Variants in DOK5 observed in about 807,000 individuals in gnomAD.
The protein encoded by DOK5 is docking protein 5.
Under a neutral mutation model 43.3 loss-of-function variants are expected in DOK5, and 27 were observed. The ratio of observed to expected loss-of-function variants is 0.62; its 90% CI spans 0.46 to 0.86. The LOEUF (loss-of-function observed/expected upper bound fraction) is 0.86, where lower values mean the gene tolerates loss of function less well. Ranked by LOEUF, DOK5 falls within the 40% of genes least tolerant of loss-of-function variation. The pLI is 0.00. For synonymous variants in DOK5, 146 were observed against 140.1 expected, an observed-to-expected ratio of 1.04 and a Z score of -0.30; for missense variants, 373 against 392.9, an observed-to-expected ratio of 0.95 and a Z score of 0.43.
chr20:54,482,562 C>T (rs182453174), intron 1 of DOK5, among the ~76,000 whole-genome samples: 13 of 151,110 alleles, frequency 8.6e-5, no homozygotes, highest in African/African-American at 3.2e-4. Flanking sequence ...CTGGTGTGAT[C>T]TCGGCTCACT....
intron 1 of DOK5, among the ~76,000 whole-genome samples, chr20:54,507,296 G>A (rs547934811): frequency 6.6e-6 from 1 of 152,166 alleles, no homozygotes; most frequent in East Asian, 1.9e-4. Flanking sequence ...CTGTCCAATG[G>A]AGACATAATT....
At chr20:54,538,524 A>G (rs1230331394) in intron 1 of DOK5, among the ~76,000 whole-genome samples, 1 of 152,238 alleles carries the variant, frequency 6.6e-6, no homozygotes, top group Non-Finnish European at 1.5e-5. Flanking sequence ...GGACATCAGG[A>G]GGAAAGAAGG....
At chr20:54,574,753 T>C (rs907720532) in intron 2 of DOK5, among the ~76,000 whole-genome samples, 1 of 152,080 alleles carries the variant, frequency 6.6e-6, no homozygotes, top group Non-Finnish European at 1.5e-5. Flanking sequence ...GGAGGACAAA[T>C]TGGGGGATTA....
chr20:54,597,231 G>C (rs776460049), intron 5 of DOK5, among the ~76,000 whole-genome samples: 1 of 152,196 alleles, frequency 6.6e-6, no homozygotes, highest in Non-Finnish European at 1.5e-5. Flanking sequence ...CAGAGCAGTG[G>C]TTCTTAGCTA....
intron 2 of DOK5, among the ~76,000 whole-genome samples, chr20:54,583,430 T>G (rs1422722752): frequency 6.6e-6 from 1 of 152,194 alleles, no homozygotes; most frequent in Non-Finnish European, 1.5e-5. Context: ...CTCTGTTTTC[T>G]TTCTTATATA....
intron 7 of DOK5, among the ~76,000 whole-genome samples, chr20:54,645,682 C>A (rs1303731198): frequency 6.6e-6 from 1 of 151,950 alleles, no homozygotes; most frequent in Non-Finnish European, 1.5e-5. Flanking sequence ...GTTTTCATTT[C>A]ATATTTATGT....
chr20:54,604,128 A>G (rs1308839656), intron 5 of DOK5, among the ~76,000 whole-genome samples: 4 of 151,356 alleles, frequency 2.6e-5, no homozygotes, highest in Non-Finnish European at 5.9e-5. Flanking sequence ...TTGCATTTTG[A>G]GTAGAGACGG....
At chr20:54,486,131 A>T (rs1336022583) in intron 1 of DOK5, among the ~76,000 whole-genome samples, 1 of 152,160 alleles carries the variant, frequency 6.6e-6, no homozygotes, top group African/African-American at 2.4e-5. Context: ...TTTATCTTTT[A>T]TATTTAAGTC....
chr20:54,599,492 G>A (rs1317797139), intron 5 of DOK5, among the ~76,000 whole-genome samples: 1 of 152,132 alleles, frequency 6.6e-6, no homozygotes, highest in East Asian at 1.9e-4. Flanking sequence ...ATTATTGCAT[G>A]TCTACTGTCT....
At chr20:54,572,183 C>T (rs892086398) in intron 2 of DOK5, among the ~76,000 whole-genome samples, 12 of 148,794 alleles carry the variant, frequency 8.1e-5, no homozygotes, top group Middle Eastern at 3.2e-3. Context: ...TTTTTTGAGA[C>T]GGAGTCTCGC....
At chr20:54,599,664 A>T (rs1311187822) in intron 5 of DOK5, among the ~76,000 whole-genome samples, 1 of 152,226 alleles carries the variant, frequency 6.6e-6, no homozygotes, top group East Asian at 1.9e-4. Context: ...CCTTTGAGGC[A>T]AAATTAGGCA....
chr20:54,535,630 A>T (rs1229091957), intron 1 of DOK5, among the ~76,000 whole-genome samples: 1 of 151,886 alleles, frequency 6.6e-6, no homozygotes, highest in Admixed American at 6.6e-5. Context: ...AAATTTATTC[A>T]TCTTGAGGTT....
chr20:54,602,960 C>T (rs540742604), intron 5 of DOK5, among the ~76,000 whole-genome samples: 5 of 152,282 alleles, frequency 3.3e-5, no homozygotes, highest in South Asian at 2.1e-4. Context: ...CATGAGCCAC[C>T]GCGCCCAGAC....
At chr20:54,592,107 G>T (rs899716550) in intron 5 of DOK5, among the ~76,000 whole-genome samples, 8 of 152,082 alleles carry the variant, frequency 5.3e-5, no homozygotes, top group Non-Finnish European at 1.0e-4. Flanking sequence ...TGTTAAAAAG[G>T]TACCATTTCC....
At chr20:54,630,451 A>G (rs554595572) in intron 6 of DOK5, among the ~76,000 whole-genome samples, 1 of 152,122 alleles carries the variant, frequency 6.6e-6, no homozygotes, top group Non-Finnish European at 1.5e-5. Context: ...GACATGTTAA[A>G]CGGGAGATGC....
At chr20:54,642,564 A>AAAAAAAG (rs1979175732) in intron 6 of DOK5, among the ~76,000 whole-genome samples, 2 of 149,700 alleles carry the variant, frequency 1.3e-5, no homozygotes, top group Admixed American at 6.6e-5. Flanking sequence ...AAAAAAAAAA[A>AAAAAAAG]AAAAGAAAAA....
chr20:54,608,699 C>T (rs1339352992), intron 5 of DOK5, among the ~76,000 whole-genome samples: 18 of 149,150 alleles, frequency 1.2e-4, no homozygotes, highest in Middle Eastern at 3.4e-3. Context: ...GGGATGGCAC[C>T]TCTCTCTGTC....
rs148510854 is a variant in DOK5, at chr20:54,637,231, T to A, written c.736-6227T>A. Among the ~76,000 whole-genome samples, 4 of 152,360 alleles carry A rather than the reference T, an allele frequency of 2.6e-5. No individual in the cohort carries two copies. The East Asian group carries it at 7.7e-4, about 29-fold the overall frequency. On this transcript the variant is annotated intron_variant, in intron 6 of 7. Coordinates refer to ENST00000262593, the MANE Select transcript of DOK5 (RefSeq NM_018431.5). ...GCTTTTTGTGCATTCAGAACCCAAT[T>A]GATGACATAAGTCGATTGATTGCTT...
intron 1 of DOK5, among the ~76,000 whole-genome samples, chr20:54,497,713 A>C (rs182667923): frequency 3.9e-4 from 59 of 152,336 alleles, no homozygotes; most frequent in African/African-American, 1.4e-3. Flanking sequence ...AAGAAAGGAA[A>C]GACTTCTAAT....
Sources: gnomAD v4.1 joint callset for allele counts (sites outside exome capture counted in the v4.1 genomes callset) on GRCh38, gnomAD v4.1.1 for gene constraint, MANE v1.5 for transcripts, NCBI Gene and HGNC (gene_info 2026-07-23, HGNC 2026-07-21) for gene names.